BCAS3: variants seen among roughly 807,000 people sequenced by gnomAD.
The protein encoded by BCAS3 is BCAS4/BCAS3 fusion.
Under a neutral mutation model 116.1 loss-of-function variants are expected in BCAS3, and 53 were observed. The ratio of observed to expected loss-of-function variants is 0.46; its 90% CI spans 0.37 to 0.57. The LOEUF (loss-of-function observed/expected upper bound fraction) is 0.57. Ranked by LOEUF, BCAS3 falls within the 20% of genes least tolerant of loss-of-function variation. The pLI, the probability that BCAS3 is intolerant of heterozygous loss-of-function variation, is 0.00. For synonymous variants in BCAS3, 391 were observed against 408.2 expected (o/e 0.96, Z 0.51); for missense variants, 917 against 1,165.4 (o/e 0.79, Z 3.10).
At chr17:61,172,450 G>A (rs542358435) in intron 22 of BCAS3, among the ~76,000 whole-genome samples, 140 of 151,208 alleles carry the variant, frequency 9.3e-4, no homozygotes, top group African/African-American at 3.3e-3. Flanking sequence ...TGGCTAACAC[G>A]GTGAAACCCC....
In BCAS3 at chr17:61,227,216, C is replaced by G. The variant is rs1208605051; in HGVS notation, c.2426-141111C>G. ...CCCACAGACTGTCCTAGAGGGGCCA[C>G]AGACTGCTCTGAGAAGCTAGTGCAA... On this transcript the variant is annotated intron_variant, in intron 22 of 23. Coordinates refer to ENST00000407086, the MANE Select transcript of BCAS3 (RefSeq NM_017679.5). This position sits in a 1 kb window ranked among gnomAD's most constrained non-coding sequence, Gnocchi z 6.1. Among the ~76,000 whole-genome samples the G allele has an allele frequency of 6.6e-6, 1 of 152,174 alleles. No individual in the cohort carries two copies. The highest frequency in any genetic ancestry group is 1.5e-5 in the Non-Finnish European group (1 of 68,032).
chr17:61,022,616 T>C (rs2065958443), intron 16 of BCAS3, among the ~76,000 whole-genome samples: 1 of 152,168 alleles, frequency 6.6e-6, no homozygotes, highest in Non-Finnish European at 1.5e-5. Context: ...TATGTTCATC[T>C]CTTTTTTTGC....
At chr17:61,157,259 A>C (rs1323666350) in intron 22 of BCAS3, among the ~76,000 whole-genome samples, 1 of 152,204 alleles carries the variant, frequency 6.6e-6, no homozygotes, top group Non-Finnish European at 1.5e-5. Flanking sequence ...AGATATATTC[A>C]GTAATATATT....
At chr17:60,738,045 A>G (rs1819274628) in intron 5 of BCAS3, among the ~76,000 whole-genome samples, 1 of 152,188 alleles carries the variant, frequency 6.6e-6, no homozygotes, top group East Asian at 1.9e-4. Flanking sequence ...TTGGCCTCCC[A>G]AAGTGCTGGG....
chr17:61,385,901 T>G (rs1033451789), intron 23 of BCAS3, among the ~76,000 whole-genome samples: 11 of 152,158 alleles, frequency 7.2e-5, no homozygotes, highest in African/African-American at 2.2e-4. Flanking sequence ...GGCCATTTCT[T>G]GATTAAAAAG....
chr17:60,680,538 A>T (rs1257216159), intron 2 of BCAS3, among the ~76,000 whole-genome samples: 2 of 152,142 alleles, frequency 1.3e-5, no homozygotes, highest in African/African-American at 4.8e-5. Flanking sequence ...TTTCAAAGTA[A>T]GTGTCATAGT....
intron 22 of BCAS3, among the ~76,000 whole-genome samples, chr17:61,247,595 C>A (rs921100397): frequency 1.3e-5 from 2 of 152,298 alleles, no homozygotes; most frequent in African/African-American, 4.8e-5. Flanking sequence ...ACAATACCAC[C>A]TACCAGCAAG....
intron 22 of BCAS3, among the ~76,000 whole-genome samples, chr17:61,146,113 G>GTT (rs5821302): frequency 0.018 from 2,503 of 142,766 alleles, 55 homozygotes; most frequent in African/African-American, 0.046. Context: ...CTGGTTTTTT[G>GTT]TTTTTTTTTT....
chr17:61,015,726 C>T, intron 15 of BCAS3, 25 bp from the exon 16 acceptor site: 1 of 1,612,390 alleles, frequency 6.2e-7, no homozygotes, highest in Non-Finnish European at 8.5e-7. Context: ...CTCAGTGATG[C>T]TTTTCTTTAT....
At chr17:61,074,113 G>GAAAAAAAAAAAAAAAAAAAAAAAAAAAAA (rs917229045) in intron 19 of BCAS3, among the ~76,000 whole-genome samples, 1 of 61,230 alleles carries the variant, frequency 1.6e-5, no homozygotes. Context: ...TATCTCTTAA[G>GAAAAAAAAAAAAAAAAAAAAAAAAAAAAA]AAAAAAAAAA....
At chr17:61,150,996 C>G (rs2077510754) in intron 22 of BCAS3, among the ~76,000 whole-genome samples, 1 of 152,182 alleles carries the variant, frequency 6.6e-6, no homozygotes, top group Admixed American at 6.5e-5. Flanking sequence ...TGATAAGGCC[C>G]TGGAGCCACA....
At position 61,388,892 on chromosome 17, in the gene BCAS3, G is replaced by A; in HGVS notation, c.2594-3085G>A. 1.7e-6 allele frequency: 1 copy of A among 587,888 alleles called. No homozygotes were observed. Among genetic ancestry groups the A allele is most frequent in the South Asian group, 2.2e-5 (1 of 44,808 alleles). 36.4% of individuals were successfully genotyped at this position (587,888 alleles called of 1,614,324 possible). A position where few individuals can be genotyped will look rare whatever the true frequency, so the allele number is the denominator to read the frequency against. ...AAAGCGCCCACAAAGCTGCCCCGGG[G>A]CCAGCAGGCCCCCGATTCTTTCAGT... On this transcript the variant is annotated intron_variant, in intron 23 of 23. Transcript: ENST00000407086. This position sits in a 1 kb window ranked among gnomAD's most constrained non-coding sequence, Gnocchi z 6.5.
intron 23 of BCAS3, among the ~76,000 whole-genome samples, chr17:61,374,558 G>C (rs981558087): frequency 6.6e-6 from 1 of 152,166 alleles, no homozygotes; most frequent in Non-Finnish European, 1.5e-5. Flanking sequence ...CTGCGGCCCC[G>C]GGCTCACTGA....
Position 61,303,752 on chromosome 17 carries a change from C to T in BCAS3, c.2426-64575C>T, listed in dbSNP as rs188154722. Among the ~76,000 whole-genome samples, 363 of 152,284 alleles carry T rather than the reference C, an allele frequency of 2.4e-3. 1 individual carries two copies. The highest frequency in any genetic ancestry group is 8.3e-3 in the African/African-American group (346 of 41,538). ...TTGTTCCCTTACAGCAAGCACTTAC[C>T]GTGCTGTACTGTGGTTTTCTGCTTA... On this transcript the variant is annotated intron_variant, in intron 22 of 23. Coordinates refer to ENST00000407086, the MANE Select transcript of BCAS3 (RefSeq NM_017679.5).
chr17:60,706,690 TGGA>T (rs1451229766), intron 4 of BCAS3, among the ~76,000 whole-genome samples: 1 of 151,726 alleles, frequency 6.6e-6, no homozygotes, highest in African/African-American at 2.4e-5. Flanking sequence ...CCAGGCGTGG[TGGA>T]GACTACAGTG....
chr17:60,801,886 C>T (rs1397686713), intron 6 of BCAS3, among the ~76,000 whole-genome samples: 1 of 152,096 alleles, frequency 6.6e-6, no homozygotes, highest in Non-Finnish European at 1.5e-5. Flanking sequence ...GAACTTCTGT[C>T]ATCTATGTAT....
intron 22 of BCAS3, among the ~76,000 whole-genome samples, chr17:61,292,787 A>G (rs2052556363): frequency 6.6e-6 from 1 of 152,214 alleles, no homozygotes; most frequent in African/African-American, 2.4e-5. Context: ...GATTGCCACA[A>G]CCTTGCAAAC....
Position 61,057,040 on chromosome 17 carries a change from A to C in BCAS3, c.2029+16148A>C, listed in dbSNP as rs1380222473. ...CCATTAATTATAGCTGCTCTCGACC[A>C]TAGGAAATGTAATCATATAAATATG... On this transcript the variant is annotated intron_variant, in intron 19 of 23. Transcript: ENST00000407086. Among the ~76,000 whole-genome samples the C allele has an allele frequency of 2.6e-5, 4 of 152,338 alleles. No individual in the cohort carries two copies. The South Asian group carries it at 6.2e-4, about 24-fold the overall frequency.
intron 14 of BCAS3, among the ~76,000 whole-genome samples, chr17:60,974,975 T>TTTTTG (rs2062205228): frequency 7.2e-6 from 1 of 139,418 alleles, no homozygotes; most frequent in African/African-American, 3.4e-5. Flanking sequence ...AGCCATTTGT[T>TTTTTG]TTTTTTGTTT....
Sources: allele counts gnomAD v4.1 joint callset (sites outside exome capture counted in the v4.1 genomes callset), GRCh38; gene constraint gnomAD v4.1.1; non-coding constraint Gnocchi (gnomAD v3.1); transcripts MANE v1.5; gene names NCBI Gene and HGNC (gene_info 2026-07-23, HGNC 2026-07-21).